The following ZMYND8 variants were observed in gnomAD, a reference collection of about 807,000 sequenced individuals.
ZMYND8 encodes zinc finger MYND-type containing 8, also known as MYND-type zinc finger-containing chromatin reader ZMYND8.
A neutral mutation model predicts 140.8 loss-of-function variants in ZMYND8; 37 were observed. That is an observed-to-expected ratio of 0.26 (90% confidence interval 0.20 to 0.35). The LOEUF (loss-of-function observed/expected upper bound fraction) is 0.35. Among genes scored for constraint, ZMYND8 ranks in the 10% least tolerant of loss-of-function variants. The pLI is 1.00. For missense variants in ZMYND8, 1,068 were observed against 1,570.0 expected, an observed-to-expected ratio of 0.68 and a Z score of 5.40; for synonymous variants, 592 against 597.1, an observed-to-expected ratio of 0.99 and a Z score of 0.12.
At chr20:47,350,349 A>C (rs1008232920) in intron 1 of ZMYND8, among the ~76,000 whole-genome samples, 2 of 151,508 alleles carry the variant, frequency 1.3e-5, no homozygotes, top group Non-Finnish European at 2.9e-5. Context: ...AAAAAAAAAA[A>C]AAACTTCATT....
chr20:47,279,566 C>A (rs984064247), intron 10 of ZMYND8, among the ~76,000 whole-genome samples: 3 of 146,584 alleles, frequency 2.0e-5, no homozygotes, highest in Non-Finnish European at 4.5e-5. Flanking sequence ...AAAATAGAGT[C>A]TCTGCGGGGG....
At chr20:47,293,172 GAGGGAGGGAGGGAGGCAGGCAGGCAGGC>G (rs1569119545) in intron 5 of ZMYND8, among the ~76,000 whole-genome samples, 2 of 45,278 alleles carry the variant, frequency 4.4e-5, no homozygotes, top group South Asian at 1.3e-3. Context: ...GGGAGGGAGG[GAGGGAGGGAGGGAGGCAGGCAGGCAGGC>G]AGGCAGGCAG....
chr20:47,301,938 A>T (rs563957865), intron 3 of ZMYND8, among the ~76,000 whole-genome samples: 201 of 152,054 alleles, frequency 1.3e-3, no homozygotes, highest in Non-Finnish European at 2.0e-3. Context: ...TTCTCACAAG[A>T]TCTGATGGTT....
rs149122831 is a variant in ZMYND8, at chr20:47,236,426, G to A, written c.2756C>T (p.Ser919Leu). The change falls in exon 16 of 23, where the codon TCG (serine) becomes TTG (leucine). Residue 919 changes from serine (S) to leucine (L), a missense_variant. Coordinates refer to ENST00000471951, the MANE Select transcript of ZMYND8 (RefSeq NM_001281775.3). ...GGACACAAGGGTGCTCATGGACCCC[G>A]AGCTGGTGACCAGGGGCGATGACTG... ...STQSSPLVTS[S>L]GSMSTLVSSV... 1.9e-5 allele frequency: 30 copies of A among 1,614,000 alleles called. No homozygotes were observed. Among genetic ancestry groups the A allele is most frequent in the Middle Eastern group, 1.6e-4 (1 of 6,084 alleles).
At chr20:47,331,127 G>C (rs1293853996) in intron 2 of ZMYND8, among the ~76,000 whole-genome samples, 2 of 152,232 alleles carry the variant, frequency 1.3e-5, no homozygotes, top group African/African-American at 4.8e-5. Flanking sequence ...ACAGAGACTA[G>C]CAAGATGGGC....
intron 1 of ZMYND8, among the ~76,000 whole-genome samples, chr20:47,355,010 A>C (rs532680590): frequency 2.0e-5 from 3 of 152,212 alleles, no homozygotes; most frequent in Admixed American, 6.5e-5. Context: ...GTCCTAAAAC[A>C]TGAGCACACT....
At chr20:47,266,707 C>A in intron 11 of ZMYND8, among the ~76,000 whole-genome samples, 1 of 152,184 alleles carries the variant, frequency 6.6e-6, no homozygotes, top group African/African-American at 2.4e-5. Flanking sequence ...CTACTATCAC[C>A]CTAGTCCATG....
chr20:47,288,342 G>A (rs1263465138), intron 7 of ZMYND8, among the ~76,000 whole-genome samples: 1 of 150,530 alleles, frequency 6.6e-6, no homozygotes, highest in Non-Finnish European at 1.5e-5. Context: ...TATATAATTT[G>A]ATAGGCGGGG....
chr20:47,254,931 A>G (rs1256765573), intron 12 of ZMYND8, among the ~76,000 whole-genome samples: 1 of 151,616 alleles, frequency 6.6e-6, no homozygotes, highest in African/African-American at 2.4e-5. Flanking sequence ...GTTTGAGACA[A>G]GCCTGGCCAA....
At chr20:47,300,668 T>C (rs1410955221) in intron 3 of ZMYND8, among the ~76,000 whole-genome samples, 1 of 152,166 alleles carries the variant, frequency 6.6e-6, no homozygotes, top group Non-Finnish European at 1.5e-5. Context: ...TGTGCAAGAG[T>C]TGCCAAGAAG....
At chr20:47,286,008 T>C (rs985889879) in intron 8 of ZMYND8, among the ~76,000 whole-genome samples, 2 of 151,840 alleles carry the variant, frequency 1.3e-5, no homozygotes, top group Admixed American at 6.6e-5. Flanking sequence ...CTGGGCAACA[T>C]GGCAAAACCC....
At chr20:47,302,177 A>G (rs1275741164) in intron 3 of ZMYND8, among the ~76,000 whole-genome samples, 1 of 143,108 alleles carries the variant, frequency 7.0e-6, no homozygotes, top group East Asian at 2.1e-4. Flanking sequence ...TATGAAACAT[A>G]AATGAATTTT....
At chr20:47,263,566 T>C (rs934848724) in intron 11 of ZMYND8, among the ~76,000 whole-genome samples, 3 of 152,182 alleles carry the variant, frequency 2.0e-5, no homozygotes, top group African/African-American at 7.2e-5. Flanking sequence ...CCTGCATTAC[T>C]GTTAATGTAA....
chr20:47,306,493 A>G (rs558262523), intron 3 of ZMYND8, among the ~76,000 whole-genome samples: 1 of 152,246 alleles, frequency 6.6e-6, no homozygotes, highest in African/African-American at 2.4e-5. Flanking sequence ...TGGAATAGGG[A>G]CCAAACTTAA....
intron 21 of ZMYND8, among the ~76,000 whole-genome samples, chr20:47,216,037 A>G (rs1244353433): frequency 6.6e-6 from 1 of 152,234 alleles, no homozygotes; most frequent in African/African-American, 2.4e-5. Flanking sequence ...AGGGAAGGAC[A>G]GAGCACACCA....
intron 11 of ZMYND8, among the ~76,000 whole-genome samples, chr20:47,270,701 A>C: frequency 1.3e-5 from 1 of 79,364 alleles, no homozygotes; most frequent in Admixed American, 1.1e-4. Flanking sequence ...GTCTCTGAAA[A>C]AAAAAAAAAA....
At chr20:47,263,325 TTC>T (rs1163467792) in intron 11 of ZMYND8, among the ~76,000 whole-genome samples, 1 of 152,208 alleles carries the variant, frequency 6.6e-6, no homozygotes, top group African/African-American at 2.4e-5. Context: ...GCAAGAAACA[TTC>T]TGAGTTGATC....
chr20:47,352,544 G>A (rs956007307), intron 1 of ZMYND8: 62 of 985,308 alleles, frequency 6.3e-5, no homozygotes, highest in Non-Finnish European at 6.9e-5. Flanking sequence ...TGCAAAACCC[G>A]CTTTCAGAGG....
intron 3 of ZMYND8, among the ~76,000 whole-genome samples, chr20:47,301,101 A>AT (rs2078010323): frequency 6.6e-6 from 1 of 151,000 alleles, no homozygotes; most frequent in Non-Finnish European, 1.5e-5. Flanking sequence ...AAGCCTCTCT[A>AT]TTCTCATTTC....
Sources: allele counts gnomAD v4.1 joint callset (sites outside exome capture counted in the v4.1 genomes callset), GRCh38; gene constraint gnomAD v4.1.1; transcripts MANE v1.5; gene names NCBI Gene and HGNC (gene_info 2026-07-23, HGNC 2026-07-21).